Variants in RSPH14 observed in about 807,000 individuals in gnomAD.
RSPH14 encodes the protein rhabdoid tumor deletion region gene 1.
RSPH14 carries 20 observed loss-of-function variants against 26.7 expected under a neutral mutation model. The observed-to-expected ratio is 0.75, with a 90% CI of 0.53 to 1.09. The LOEUF (loss-of-function observed/expected upper bound fraction) is 1.09. Among genes scored for constraint, RSPH14 ranks in the 50% least tolerant of loss-of-function variants. The probability of loss-of-function intolerance (pLI) is 0.00; values close to 1 mark genes in which losing one functional copy is unlikely to be tolerated. For missense variants in RSPH14, 449 were observed against 457.2 expected (o/e 0.98, Z 0.16); for synonymous variants, 177 against 189.3 (o/e 0.93, Z 0.53).
intron 4 of RSPH14, among the ~76,000 whole-genome samples, chr22:23,080,720 T>C (rs2068652996): frequency 6.6e-6 from 1 of 152,220 alleles, no homozygotes; most frequent in African/African-American, 2.4e-5. Flanking sequence ...CATGAATCAG[T>C]GATGTCTTTC....
At chr22:23,156,147 C>CAACA in the RSPH14 span, 2 of 870,078 alleles carry the variant, frequency 2.3e-6, no homozygotes, top group Admixed American at 2.8e-5. Flanking sequence ...TCCTCCAAGA[C>CAACA]CCACTGAGAA....
the RSPH14 span, among the ~76,000 whole-genome samples, chr22:23,166,147 TAAAAAAAAAAAAA>T: frequency 1.3e-3 from 78 of 59,888 alleles, 1 homozygote; most frequent in African/African-American, 4.7e-3. Context: ...CTCTGTCTTT[TAAAAAAAAAAAAA>T]AAAAAAAAAA....
the RSPH14 span, among the ~76,000 whole-genome samples, chr22:23,171,912 C>T: frequency 2.7e-5 from 4 of 150,662 alleles, no homozygotes; most frequent in Non-Finnish European, 4.4e-5. Context: ...AAGCCAGGAT[C>T]GGTGGCACAT....
chr22:23,162,555 C>T, the RSPH14 span: 16 of 442,434 alleles, frequency 3.6e-5, no homozygotes, highest in South Asian at 2.5e-4. Context: ...CTGTCTCCAA[C>T]ACCGCCTCCT....
intron 3 of RSPH14, among the ~76,000 whole-genome samples, chr22:23,135,447 G>A (rs1056906984): frequency 2.0e-5 from 3 of 151,212 alleles, no homozygotes; most frequent in Admixed American, 6.6e-5. Context: ...AGCCAAGAAC[G>A]CACAACTGCG....
At chr22:23,060,339 C>T (rs1384700341) in intron 6 of RSPH14, among the ~76,000 whole-genome samples, 2 of 152,028 alleles carry the variant, frequency 1.3e-5, no homozygotes, top group African/African-American at 4.8e-5. Context: ...GGCATGGTGG[C>T]GGGCGCCTGT....
At chr22:23,139,242 T>C (rs1312294337) in intron 2 of RSPH14, among the ~76,000 whole-genome samples, 1 of 152,234 alleles carries the variant, frequency 6.6e-6, no homozygotes, top group African/African-American at 2.4e-5. Flanking sequence ...TCAGGAGAGA[T>C]ATGGGGTCAA....
At chr22:23,135,269 C>T (rs962505676) in intron 3 of RSPH14, among the ~76,000 whole-genome samples, 3 of 142,764 alleles carry the variant, frequency 2.1e-5, no homozygotes, top group Middle Eastern at 4.2e-3. Flanking sequence ...GTCAGGAGAT[C>T]GAGACCATCC....
the RSPH14 span, chr22:23,152,951 A>T: frequency 1.3e-5 from 13 of 998,606 alleles, no homozygotes; most frequent in Non-Finnish European, 2.0e-5. Flanking sequence ...TTATTTGCCT[A>T]AAGACTTGCA....
At chr22:23,152,637 G>A in the RSPH14 span, 2 of 1,072,414 alleles carry the variant, frequency 1.9e-6, no homozygotes, top group South Asian at 1.3e-5. Flanking sequence ...TGGCTTCCAG[G>A]AACTGCTGTG....
the RSPH14 span, among the ~76,000 whole-genome samples, chr22:23,172,881 C>T: frequency 7.3e-5 from 11 of 150,602 alleles, no homozygotes; most frequent in African/African-American, 9.8e-5. Flanking sequence ...ACCCAGGAGG[C>T]GGAACTTGCA....
chr22:23,174,980 A>G, the RSPH14 span, among the ~76,000 whole-genome samples: 7 of 150,728 alleles, frequency 4.6e-5, no homozygotes, highest in East Asian at 5.9e-4. Flanking sequence ...AAAAAAAGAA[A>G]AAAAGATTGT....
the RSPH14 span, among the ~76,000 whole-genome samples, chr22:23,167,396 A>C: frequency 6.6e-6 from 1 of 152,042 alleles, no homozygotes; most frequent in South Asian, 2.1e-4. Context: ...CTCCACAGGG[A>C]CCGGAGCAAG....
chr22:23,080,658 C>A (rs2068651204), intron 4 of RSPH14, among the ~76,000 whole-genome samples: 1 of 152,244 alleles, frequency 6.6e-6, no homozygotes, highest in African/African-American at 2.4e-5. Context: ...GCCCTGGTTA[C>A]TGTGGAGTGG....
rs192427956 is a variant in RSPH14 at position 23,099,125 on chromosome 22, C to T, written c.421+34901G>A. On this transcript the variant is annotated intron_variant, in intron 4 of 6. Coordinates refer to ENST00000216036, the MANE Select transcript of RSPH14 (RefSeq NM_014433.3). Reference sequence around the variant, plus strand: ...TGCTGGCAGTGCCTCCCCACCCCCACGCCTGGCGAAGGAGCCACAGCCCCC... The same window carrying T: ...TGCTGGCAGTGCCTCCCCACCCCCATGCCTGGCGAAGGAGCCACAGCCCCC... Among the ~76,000 whole-genome samples the T allele has an allele frequency of 1.9e-3, 295 of 152,332 alleles. 2 individuals are homozygous for T. The highest frequency in any genetic ancestry group is 1.2e-3 in the Non-Finnish European group (79 of 68,014).
the RSPH14 span, chr22:23,162,785 T>G: frequency 2.2e-6 from 1 of 456,038 alleles, no homozygotes; most frequent in South Asian, 1.5e-5. Flanking sequence ...TCCTAGGGCC[T>G]GGCACACTGC....
At chr22:23,076,133 G>C (rs1248909304) in intron 4 of RSPH14, among the ~76,000 whole-genome samples, 2 of 152,228 alleles carry the variant, frequency 1.3e-5, no homozygotes, top group East Asian at 3.8e-4. Context: ...CCCTGCTCCA[G>C]ACAGGGCTGG....
intron 4 of RSPH14, among the ~76,000 whole-genome samples, chr22:23,079,284 G>A (rs1427863393): frequency 6.6e-6 from 1 of 152,240 alleles, no homozygotes; most frequent in African/African-American, 2.4e-5. Context: ...GGGCAGGGAG[G>A]CCTCCTAAGG....
chr22:23,063,587 C>T (rs2068135823), intron 5 of RSPH14, among the ~76,000 whole-genome samples: 1 of 152,216 alleles, frequency 6.6e-6, no homozygotes, highest in Non-Finnish European at 1.5e-5. Context: ...ACACAGGAGG[C>T]ACTCAGTGAC....
Sources: allele counts gnomAD v4.1 joint callset (sites outside exome capture counted in the v4.1 genomes callset), GRCh38; gene constraint gnomAD v4.1.1; transcripts MANE v1.5; gene names NCBI Gene and HGNC (gene_info 2026-07-23, HGNC 2026-07-21).